Variants in CCDC90B observed in about 807,000 individuals in gnomAD.
CCDC90B encodes coiled-coil domain-containing protein 90B, mitochondrial.
Under a neutral mutation model 37.0 loss-of-function variants are expected in CCDC90B, and 24 were observed. That is an observed-to-expected ratio of 0.65 (90% CI 0.47 to 0.91). The LOEUF (loss-of-function observed/expected upper bound fraction) is 0.91. Among genes scored for constraint, CCDC90B ranks in the 40% least tolerant of loss-of-function variants. The probability of loss-of-function intolerance (pLI) is 0.00; values close to 1 mark genes in which losing one functional copy is unlikely to be tolerated. For synonymous variants in CCDC90B, 113 were observed against 101.1 expected (o/e 1.12, Z -0.71); for missense variants, 319 against 299.0 (o/e 1.07, Z -0.49).
chr11:83,268,526 G>A (rs1198466923), intron 7 of CCDC90B, among the ~76,000 whole-genome samples: 1 of 151,906 alleles, frequency 6.6e-6, no homozygotes. Context: ...ATTACATAAT[G>A]GTAAAGGGAT....
At chr11:83,285,000 C>G in intron 1 of CCDC90B, 1 of 465,400 alleles carries the variant, frequency 2.1e-6, no homozygotes, top group Non-Finnish European at 3.2e-6. Flanking sequence ...GGATCAACAA[C>G]TGCAGTTTTG....
rs1254035266 is a variant in CCDC90B at position 83,285,992 on chromosome 11, G to A, written c.-20C>T. On this transcript the variant is annotated 5_prime_UTR_variant, in exon 1 of 9. Coordinates refer to ENST00000529689, the MANE Select transcript of CCDC90B (RefSeq NM_021825.5). Reference sequence around the variant, plus strand: ...ATTCATGTCCTCAGAGTTTTCCGGTGGGAGGGAGGCGGAAGACGGGGTAAA... The same window carrying A: ...ATTCATGTCCTCAGAGTTTTCCGGTAGGAGGGAGGCGGAAGACGGGGTAAA... 3.7e-6 allele frequency: 6 copies of A among 1,600,508 alleles called. No homozygotes were observed. The highest frequency in any genetic ancestry group is 5.1e-6 in the Non-Finnish European group (6 of 1,173,380).
chr11:83,279,157 C>T (rs980767582), intron 2 of CCDC90B, among the ~76,000 whole-genome samples: 5 of 151,790 alleles, frequency 3.3e-5, no homozygotes, highest in Non-Finnish European at 7.4e-5. Context: ...GGCGGGCGCC[C>T]GTAGTCCCAG....
chr11:83,285,723 C>T, intron 1 of CCDC90B, 150 bp downstream of exon 1: 1 of 1,443,188 alleles, frequency 6.9e-7, no homozygotes, highest in East Asian at 2.5e-5. Context: ...CAAGTCGGGG[C>T]AGCAGGCAGC....
At chr11:83,278,413 G>A (rs1177790366) in intron 3 of CCDC90B, among the ~76,000 whole-genome samples, 2 of 152,204 alleles carry the variant, frequency 1.3e-5, no homozygotes, top group Non-Finnish European at 2.9e-5. Context: ...TAGCTCTTCT[G>A]TGGTGAGCTT....
In CCDC90B at chr11:83,280,251, G is replaced by C; in HGVS notation, c.110C>G (p.Thr37Ser). 7 of 1,612,334 alleles carry C rather than the reference G, an allele frequency of 4.3e-6. No homozygotes were observed. Among genetic ancestry groups the C allele is most frequent in the Non-Finnish European group, 5.9e-6 (7 of 1,179,262 alleles). ...FSPALRREFFTTTTKEGYDRR... is the reference protein window; with the variant it reads ...FSPALRREFFSTTTKEGYDRR... Reference sequence around the variant, plus strand: ...ATCATATCCCTCCTTGGTTGTGGTAGTGAAGAACTCTGAAAGAGAAGACAA... The same window carrying C: ...ATCATATCCCTCCTTGGTTGTGGTACTGAAGAACTCTGAAAGAGAAGACAA... The change falls in exon 2 of 9, where the codon ACT becomes AGT. Residue 37 changes from threonine to serine, a missense_variant. Transcript: ENST00000529689.
At chr11:83,285,243 AAAC>A (rs769769472) in intron 1 of CCDC90B, 106 of 1,283,216 alleles carry the variant, frequency 8.3e-5, no homozygotes, top group East Asian at 1.1e-4. Context: ...TGGGGGTGAA[AAAC>A]AACGACGACA....
At chr11:83,276,594 C>T (rs1591053551) in intron 3 of CCDC90B, among the ~76,000 whole-genome samples, 1 of 152,210 alleles carries the variant, frequency 6.6e-6, no homozygotes, top group African/African-American at 2.4e-5. Flanking sequence ...AAGTGATCTG[C>T]TCACCTCAGC....
At chr11:83,265,422 T>C (rs1864193882) in intron 8 of CCDC90B, among the ~76,000 whole-genome samples, 1 of 152,190 alleles carries the variant, frequency 6.6e-6, no homozygotes, top group African/African-American at 2.4e-5. Context: ...TTCATTTTTT[T>C]TTCCACTGTG....
In CCDC90B at chr11:83,268,728, G is replaced by A. The variant is rs183445187; in HGVS notation, c.595-2749C>T. Reference sequence around the variant, plus strand: ...ACAGAAGGTTAACAAGGATATCCAGGACTTGAACTCAGCTCTGCAACAAGC... The same window carrying A: ...ACAGAAGGTTAACAAGGATATCCAGAACTTGAACTCAGCTCTGCAACAAGC... On this transcript the variant is annotated intron_variant, in intron 7 of 8. Coordinates refer to ENST00000529689, the MANE Select transcript of CCDC90B (RefSeq NM_021825.5). Among the ~76,000 whole-genome samples the A allele has an allele frequency of 4.1e-3, 617 of 152,228 alleles. 3 individuals are homozygous for A. The highest frequency in any genetic ancestry group is 5.1e-3 in the Admixed American group (78 of 15,286).
chr11:83,278,891 G>T, intron 2 of CCDC90B, 62 bp from the exon 3 acceptor site: 1 of 887,084 alleles, frequency 1.1e-6, no homozygotes, highest in Non-Finnish European at 1.8e-6. Context: ...AAAATAGACA[G>T]CAAGAGTAAC....
At chr11:83,279,921 A>G (rs1037818455) in intron 2 of CCDC90B, among the ~76,000 whole-genome samples, 1 of 152,084 alleles carries the variant, frequency 6.6e-6, no homozygotes, top group Non-Finnish European at 1.5e-5. Context: ...TTCTGCACAT[A>G]TTATTTCATA....
At chr11:83,285,272 T>C in intron 1 of CCDC90B, 1 of 1,270,860 alleles carries the variant, frequency 7.9e-7, no homozygotes, top group Non-Finnish European at 1.0e-6. Context: ...AACCTAGCCC[T>C]AGAAACATTT....
intron 7 of CCDC90B, 85 bp from the exon 8 acceptor site, chr11:83,266,064 TGGGCTAATTGTGATA>T: frequency 1.5e-6 from 1 of 673,480 alleles, no homozygotes; most frequent in Non-Finnish European, 2.6e-6. Context: ...CCCTCACTTA[TGGGCTAATTGTGATA>T]TAAAAGTCTT....
chr11:83,271,436 C>A (rs1373355988), intron 7 of CCDC90B, among the ~76,000 whole-genome samples: 1 of 152,090 alleles, frequency 6.6e-6, no homozygotes, highest in African/African-American at 2.4e-5. Flanking sequence ...AAAACAACCC[C>A]ATCAAAAAGT....
Position 83,285,953 on chromosome 11 carries a change from C to CA in CCDC90B, c.19dup (p.Trp7LeufsTer39), listed in dbSNP as rs1257028005. On this transcript the variant is annotated frameshift_variant, in exon 1 of 9. Transcript: ENST00000529689. LOFTEE classifies it high-confidence loss of function. ...TCTGCCTTGGGAGAGAAAGAGCCGC[C>CA]AAGCCTGGCGACTATTCATGTCCTC... is the stretch of plus-strand genomic sequence containing the variant. 1 of 1,612,404 alleles carries CA rather than the reference C, an allele frequency of 6.2e-7. No homozygotes were observed. The highest frequency in any genetic ancestry group is 1.1e-5 in the South Asian group (1 of 90,722).
In CCDC90B at chr11:83,261,671, A is replaced by G. The variant is rs930654501; in HGVS notation, c.*240T>C. On this transcript the variant is annotated 3_prime_UTR_variant, in exon 9 of 9. Coordinates refer to ENST00000529689, the MANE Select transcript of CCDC90B (RefSeq NM_021825.5). ...TATCAAAAGGACAAAATGCTCTTCT[A>G]TCTCAAACCAGGTCTGAGTGACAGC... 2.5e-5 allele frequency: 8 copies of G among 316,550 alleles called. No individual in the cohort carries two copies. Among genetic ancestry groups the G allele is most frequent in the African/African-American group, 1.3e-4 (6 of 46,434 alleles). The allele number at this position is 316,550 out of a possible 1,614,324, so 19.6% of individuals were successfully genotyped here.
At chr11:83,274,804 G>T (rs746059367) in intron 3 of CCDC90B, 64 bp from the exon 4 acceptor site, 2 of 1,042,638 alleles carry the variant, frequency 1.9e-6, no homozygotes, top group Non-Finnish European at 2.9e-6. Flanking sequence ...TTACAGAATT[G>T]TTTTCATGAA....
chr11:83,270,569 T>C (rs1458322611), intron 7 of CCDC90B, among the ~76,000 whole-genome samples: 2 of 152,020 alleles, frequency 1.3e-5, no homozygotes, highest in Non-Finnish European at 2.9e-5. Flanking sequence ...GAGAATAAAA[T>C]ACCTAGGAAT....
Sources: allele counts gnomAD v4.1 joint callset (sites outside exome capture counted in the v4.1 genomes callset), GRCh38; gene constraint gnomAD v4.1.1; transcripts MANE v1.5; gene names NCBI Gene and HGNC (gene_info 2026-07-23, HGNC 2026-07-21).